KLHL5: variants seen among roughly 807,000 people sequenced by gnomAD.
The protein encoded by KLHL5 is kelch like family member 5, also known as kelch-like protein 5.
Under a neutral mutation model 77.7 loss-of-function variants are expected in KLHL5, and 48 were observed. That is an observed-to-expected ratio of 0.62 (90% CI 0.49 to 0.79). KLHL5 has a LOEUF of 0.79. Ranked by LOEUF, KLHL5 falls within the 30% of genes least tolerant of loss-of-function variation. KLHL5 has a pLI of 0.00. For synonymous variants in KLHL5, 260 were observed against 297.0 expected (o/e 0.88, Z 1.28); for missense variants, 723 against 859.7 (o/e 0.84, Z 1.99).
chr4:39,074,108 GT>G, intron 1 of KLHL5, among the ~76,000 whole-genome samples: 1 of 152,184 alleles, frequency 6.6e-6, no homozygotes, highest in Non-Finnish European at 1.5e-5. Context: ...GATCTTAAAT[GT>G]GAAGTTGAGT....
Position 39,081,246 on chromosome 4 carries a change from A to G in KLHL5, c.703+7A>G. The G allele has an allele frequency of 6.3e-7, 1 of 1,584,608 alleles. No homozygotes were observed. Among genetic ancestry groups the G allele is most frequent in the Non-Finnish European group, 8.6e-7 (1 of 1,168,684 alleles). On this transcript the variant is annotated splice_region_variant and intron_variant, in intron 3 of 10. Transcript: ENST00000504108. This position sits in a 1 kb window ranked among gnomAD's most constrained non-coding sequence, Gnocchi z 4.3. ...ATCCAGTATGCTTATACAGGTAACG[A>G]GTCTGAAAATGTAAATTAAAACCTC...
chr4:39,044,906 C>T (rs1716024687), upstream of KLHL5: 3 of 983,088 alleles, frequency 3.1e-6, no homozygotes, highest in South Asian at 4.7e-5. Context: ...CTGGCGCCGC[C>T]TGACGGAGCG....
chr4:39,047,332 C>G (rs1385346866), intron 1 of KLHL5, among the ~76,000 whole-genome samples: 1 of 152,148 alleles, frequency 6.6e-6, no homozygotes, highest in Non-Finnish European at 1.5e-5. Context: ...GGAGGAGAAT[C>G]GCTTGAACCT....
rs1354248075 is a variant in KLHL5 at position 39,096,671 on chromosome 4, A to G, written c.1114-21A>G. ...CCATTTTCTTAGTCATTCAGTATAC[A>G]TACCTACTATTCTTTTCTAGTTCCT... On this transcript the variant is annotated intron_variant, in intron 5 of 10. Transcript: ENST00000504108. 4 of 1,566,824 alleles carry G rather than the reference A, an allele frequency of 2.6e-6. No individual in the cohort carries two copies. In the Admixed American group the frequency reaches 5.0e-5, roughly 20 times the overall value.
At chr4:39,047,946 T>C (rs986927394) in intron 1 of KLHL5, among the ~76,000 whole-genome samples, 1 of 152,226 alleles carries the variant, frequency 6.6e-6, no homozygotes, top group African/African-American at 2.4e-5. Flanking sequence ...TCCAGCCGGT[T>C]GATGAACCTC....
chr4:39,098,842 G>A (rs540643081), intron 6 of KLHL5, among the ~76,000 whole-genome samples: 1 of 151,892 alleles, frequency 6.6e-6, no homozygotes, highest in Admixed American at 6.6e-5. Context: ...GGCATTACAG[G>A]CATGAGCCAC....
intron 1 of KLHL5, among the ~76,000 whole-genome samples, chr4:39,050,051 G>A (rs554250909): frequency 6.6e-6 from 1 of 152,090 alleles, no homozygotes; most frequent in South Asian, 2.1e-4. Flanking sequence ...CTTCATCCTG[G>A]GCGACAGAGT....
intron 4 of KLHL5, among the ~76,000 whole-genome samples, chr4:39,083,377 T>C (rs554236347): frequency 1.3e-5 from 2 of 152,100 alleles, no homozygotes; most frequent in Non-Finnish European, 2.9e-5. Context: ...TCCAAAACAA[T>C]AGAAAATTAT....
At chr4:39,108,964 T>G (rs1183282540) in intron 8 of KLHL5, among the ~76,000 whole-genome samples, 1 of 152,156 alleles carries the variant, frequency 6.6e-6, no homozygotes, top group Non-Finnish European at 1.5e-5. Context: ...TTACTTACCT[T>G]TTCTTGCCCT....
intron 6 of KLHL5, among the ~76,000 whole-genome samples, chr4:39,101,534 CTGTT>C (rs1341603903): frequency 6.6e-6 from 1 of 151,978 alleles, no homozygotes; most frequent in Non-Finnish European, 1.5e-5. Flanking sequence ...ATAAGGGACT[CTGTT>C]TGGTGCTGTG....
the KLHL5 span, among the ~76,000 whole-genome samples, chr4:39,138,276 C>A: frequency 6.6e-6 from 1 of 152,188 alleles, no homozygotes; most frequent in Admixed American, 6.5e-5. Flanking sequence ...GAACAGAAAT[C>A]ATTCTATTAT....
At chr4:39,091,842 GTTTTTT>G (rs372831946) in intron 5 of KLHL5, among the ~76,000 whole-genome samples, 9 of 52,444 alleles carry the variant, frequency 1.7e-4, no homozygotes, top group African/African-American at 2.6e-4. Context: ...CATCTGACTA[GTTTTTT>G]TTTTTTTTTT....
the KLHL5 span, among the ~76,000 whole-genome samples, chr4:39,134,903 G>C: frequency 6.6e-6 from 1 of 152,186 alleles, no homozygotes; most frequent in Non-Finnish European, 1.5e-5. Context: ...ATTATTAGAA[G>C]TTTCATGTCA....
intron 5 of KLHL5, among the ~76,000 whole-genome samples, chr4:39,091,527 A>C (rs1014436062): frequency 2.0e-5 from 3 of 152,220 alleles, no homozygotes; most frequent in African/African-American, 7.2e-5. Flanking sequence ...GAACGTTTTC[A>C]ATGTTTAGCC....
intron 1 of KLHL5, among the ~76,000 whole-genome samples, chr4:39,068,437 C>CTATG (rs1553888082): frequency 6.8e-6 from 1 of 147,860 alleles, no homozygotes; most frequent in Admixed American, 6.8e-5. Flanking sequence ...CCAGAAAACA[C>CTATG]TGTGTGTGTG....
At chr4:39,096,032 A>G (rs1394759275) in intron 5 of KLHL5, among the ~76,000 whole-genome samples, 1 of 152,074 alleles carries the variant, frequency 6.6e-6, no homozygotes, top group South Asian at 2.1e-4. Context: ...AAAGGAAAAG[A>G]TTTTTAATTT....
intron 1 of KLHL5, among the ~76,000 whole-genome samples, chr4:39,068,440 T>TGTGC (rs1377590466): frequency 6.8e-6 from 1 of 146,410 alleles, no homozygotes; most frequent in Non-Finnish European, 1.5e-5. Context: ...GAAAACACTG[T>TGTGC]GTGTGTGTGT....
At chr4:39,078,073 A>G (rs6850068) in intron 2 of KLHL5, among the ~76,000 whole-genome samples, 1,580 of 152,302 alleles carry the variant, frequency 0.01, 27 homozygotes, top group African/African-American at 0.036. Context: ...GAGCTAAGCT[A>G]TGAGGATGCA....
chr4:39,087,778 T>TA (rs1182665157), intron 5 of KLHL5, among the ~76,000 whole-genome samples: 4 of 152,222 alleles, frequency 2.6e-5, no homozygotes, highest in African/African-American at 9.6e-5. Context: ...AATGAGCTGT[T>TA]ACTGTTCAAG....
Sources: allele counts gnomAD v4.1 joint callset (sites outside exome capture counted in the v4.1 genomes callset), GRCh38; gene constraint gnomAD v4.1.1; non-coding constraint Gnocchi (gnomAD v3.1); transcripts MANE v1.5; gene names NCBI Gene and HGNC (gene_info 2026-07-23, HGNC 2026-07-21).